Variants in MGLL observed in about 807,000 individuals in gnomAD.
MGLL encodes lysophospholipase homolog.
A neutral mutation model predicts 29.1 loss-of-function variants in MGLL; 7 were observed. The ratio of observed to expected loss-of-function variants is 0.24; its 90% CI spans 0.14 to 0.45. The LOEUF (loss-of-function observed/expected upper bound fraction) is 0.45, where lower values mean the gene tolerates loss of function less well. MGLL is among the 20% of genes least tolerant of loss of function. MGLL has a pLI of 0.99. For synonymous variants in MGLL, 148 were observed against 168.3 expected (o/e 0.88, Z 0.93); for missense variants, 356 against 413.6 (o/e 0.86, Z 1.21).
At position 127,715,986 on chromosome 3, in the gene MGLL, T is replaced by G. The variant is rs1309206706; in HGVS notation, c.510+5067A>C. 1.1e-5 allele frequency: 4 copies of G among 367,986 alleles called. No individual in the cohort carries two copies. The East Asian group carries it at 2.9e-4, about 27-fold the overall frequency. The allele number at this position is 367,986 out of a possible 1,614,324, so 22.8% of individuals were successfully genotyped here. On this transcript the variant is annotated intron_variant, in intron 5 of 7. Transcript: ENST00000265052. ...AGCTCAGGAGAGAGGAGCCCCTGCA[T>G]GGCTCCCCCATTGAGGTGAGACCCC...
intron 5 of MGLL, chr3:127,712,202 T>C (rs1345075473): frequency 1.3e-5 from 2 of 152,256 alleles, no homozygotes; most frequent in Non-Finnish European, 2.9e-5. Context: ...TGTCTGTGTC[T>C]CTCTCCACAA....
intron 3 of MGLL, among the ~76,000 whole-genome samples, chr3:127,769,295 G>T (rs1225604608): frequency 6.6e-6 from 1 of 151,222 alleles, no homozygotes; most frequent in Admixed American, 6.6e-5. Flanking sequence ...AGGTTGCAGT[G>T]AGCTGAGATC....
chr3:127,777,163 C>T (rs947391020), intron 3 of MGLL, among the ~76,000 whole-genome samples: 1 of 152,216 alleles, frequency 6.6e-6, no homozygotes, highest in Non-Finnish European at 1.5e-5. Context: ...TCAACCAATG[C>T]TTATTAATGA....
At chr3:127,798,405 G>A (rs79021007) in intron 2 of MGLL, among the ~76,000 whole-genome samples, 2,745 of 152,228 alleles carry the variant, frequency 0.018, 83 homozygotes, top group African/African-American at 0.062. Flanking sequence ...CTGGGGCTCC[G>A]AAGTACCCTG....
chr3:127,747,947 G>T (rs1424034884), intron 3 of MGLL, among the ~76,000 whole-genome samples: 1 of 152,178 alleles, frequency 6.6e-6, no homozygotes, highest in Non-Finnish European at 1.5e-5. Context: ...CTGGCACTCG[G>T]GGACCTGGTG....
At chr3:127,696,395 T>TC (rs2075364098) in intron 6 of MGLL, among the ~76,000 whole-genome samples, 1 of 129,676 alleles carries the variant, frequency 7.7e-6, no homozygotes. Context: ...CCCTGATGCT[T>TC]CTTTTTTTTT....
At chr3:127,722,288 A>G in intron 4 of MGLL, 142 bp downstream of exon 4, 1 of 1,204,204 alleles carries the variant, frequency 8.3e-7, no homozygotes, top group Non-Finnish European at 1.2e-6. Context: ...TTGCCCAGGA[A>G]CTCCAAGTGC....
At chr3:127,714,106 G>C (rs575058822) in intron 5 of MGLL, 1 of 144,128 alleles carries the variant, frequency 6.9e-6, no homozygotes, top group South Asian at 2.2e-4. Flanking sequence ...AAAAAAAAAA[G>C]AGGAGAGCCA....
At chr3:127,767,184 T>A (rs2076874112) in intron 3 of MGLL, among the ~76,000 whole-genome samples, 1 of 143,758 alleles carries the variant, frequency 7.0e-6, no homozygotes, top group African/African-American at 2.6e-5. Context: ...ACCATCACTA[T>A]CACCATCACC....
chr3:127,699,736 C>G (rs988514281), intron 6 of MGLL, among the ~76,000 whole-genome samples: 4 of 152,212 alleles, frequency 2.6e-5, no homozygotes, highest in Non-Finnish European at 5.9e-5. Flanking sequence ...ATGCAGGTGG[C>G]AGGGGCACTA....
chr3:127,767,617 G>A (rs1050070646), intron 3 of MGLL, among the ~76,000 whole-genome samples: 1 of 152,218 alleles, frequency 6.6e-6, no homozygotes, highest in Non-Finnish European at 1.5e-5. Context: ...GACTATCAGA[G>A]CCCTGGGGCA....
At chr3:127,735,859 C>T in intron 3 of MGLL, 1 of 1,593,066 alleles carries the variant, frequency 6.3e-7, no homozygotes, top group Non-Finnish European at 8.5e-7. Context: ...TAGTCTGCAT[C>T]TCTCCCACTT....
At chr3:127,735,875 G>T in intron 3 of MGLL, 1 of 1,580,470 alleles carries the variant, frequency 6.3e-7, no homozygotes, top group Non-Finnish European at 8.5e-7. Context: ...CACTTACAAG[G>T]ATTTTCTCCT....
intron 3 of MGLL, among the ~76,000 whole-genome samples, chr3:127,736,847 A>T (rs1193493594): frequency 3.3e-5 from 5 of 152,114 alleles, no homozygotes; most frequent in Admixed American, 3.3e-4. Flanking sequence ...AGCGCATGTC[A>T]CCACGCCTGG....
chr3:127,726,289 A>G (rs1469199129), intron 3 of MGLL, among the ~76,000 whole-genome samples: 2 of 27,942 alleles, frequency 7.2e-5, no homozygotes, highest in African/African-American at 2.3e-4. Flanking sequence ...AGAGGAAGGA[A>G]GGAAGGGAGG....
intron 2 of MGLL, among the ~76,000 whole-genome samples, chr3:127,816,845 C>A (rs2077765681): frequency 6.6e-6 from 1 of 152,250 alleles, no homozygotes; most frequent in African/African-American, 2.4e-5. Flanking sequence ...CTTATTGGTT[C>A]TAGATCCACT....
In MGLL at chr3:127,822,308, C is replaced by G. The variant is rs2077876396; in HGVS notation, c.10+1G>C. On this transcript the variant is annotated splice_donor_variant, in intron 1 of 7. Transcript: ENST00000265052. LOFTEE classifies it high-confidence loss of function. ...TGAAATTCCAAGGATACATGACAAA[C>G]CTGTTTCCATTATGTGCTGGCGTTT... 6.2e-7 allele frequency: 1 copy of G among 1,613,406 alleles called. No individual in the cohort carries two copies. The highest frequency in any genetic ancestry group is 8.5e-7 in the Non-Finnish European group (1 of 1,179,436).
chr3:127,810,748 T>A (rs752081724), intron 2 of MGLL, among the ~76,000 whole-genome samples: 1 of 152,228 alleles, frequency 6.6e-6, no homozygotes. Context: ...CACGTCTCCA[T>A]GCTGTTTGTG....
At chr3:127,765,273 A>G (rs993927760) in intron 3 of MGLL, among the ~76,000 whole-genome samples, 4 of 152,208 alleles carry the variant, frequency 2.6e-5, no homozygotes, top group African/African-American at 7.2e-5. Flanking sequence ...CTGGGGACCT[A>G]GAGTGATGTC....
Sources: gnomAD v4.1 joint callset for allele counts (sites outside exome capture counted in the v4.1 genomes callset) on GRCh38, gnomAD v4.1.1 for gene constraint, MANE v1.5 for transcripts, NCBI Gene and HGNC (gene_info 2026-07-23, HGNC 2026-07-21) for gene names.